USP28: variants seen among roughly 807,000 people sequenced by gnomAD.
USP28 encodes ubiquitin carboxyl-terminal hydrolase 28.
USP28 carries 113 observed loss-of-function variants against 145.0 expected under a neutral mutation model. The observed-to-expected ratio is 0.78, with a 90% CI of 0.67 to 0.91. The LOEUF is 0.91. Ranked by LOEUF, USP28 falls within the 40% of genes least tolerant of loss-of-function variation. USP28 has a pLI of 0.00. For missense variants in USP28, 1,201 were observed against 1,289.6 expected, an observed-to-expected ratio of 0.93 and a Z score of 1.05; for synonymous variants, 447 against 450.9, an observed-to-expected ratio of 0.99 and a Z score of 0.11.
At chr11:113,848,266 T>C (rs1446564805) in intron 3 of USP28, among the ~76,000 whole-genome samples, 1 of 152,188 alleles carries the variant, frequency 6.6e-6, no homozygotes, top group African/African-American at 2.4e-5. Context: ...TTAACCAACA[T>C]TAAAGGGCTT....
intron 3 of USP28, among the ~76,000 whole-genome samples, chr11:113,842,690 T>G (rs971386184): frequency 6.7e-6 from 1 of 148,472 alleles, no homozygotes; most frequent in South Asian, 2.1e-4. Context: ...AAGAAAAAAA[T>G]GATCATCTTA....
rs1011274562 is a variant in USP28 at position 113,869,187 on chromosome 11, C to G, written c.57+6258G>C. On this transcript the variant is annotated intron_variant, in intron 1 of 24. Coordinates refer to ENST00000003302, the Ensembl canonical transcript of USP28. ...GTGGCTCACGCCTATAATCCCAGCA[C>G]TTTGGGAGGCCAAGGCAGACGGATC... 1.2e-4 allele frequency among the ~76,000 whole-genome samples: 19 copies of G among 152,158 alleles called. No homozygotes were observed. In the East Asian group the frequency reaches 3.7e-3, roughly 29 times the overall value.
chr11:113,863,762 G>A (rs1311012966), intron 1 of USP28, among the ~76,000 whole-genome samples: 3 of 151,066 alleles, frequency 2.0e-5, no homozygotes, highest in Admixed American at 1.3e-4. Flanking sequence ...TGACTAACAC[G>A]GTGAAACCCT....
chr11:113,826,738 G>A (rs1186426685), intron 11 of USP28, among the ~76,000 whole-genome samples: 2 of 151,912 alleles, frequency 1.3e-5, no homozygotes, highest in African/African-American at 2.4e-5. Context: ...TGACCAACAT[G>A]GAGAAACCCC....
intron 1 of USP28, 101 bp from the exon 2 acceptor site, chr11:113,854,436 G>A: frequency 1.8e-6 from 2 of 1,103,490 alleles, no homozygotes; most frequent in Admixed American, 2.1e-5. Context: ...ACAGGCCTGA[G>A]GCTTGCCCAG....
chr11:113,803,381 A>G, intron 22 of USP28, 100 bp from the exon 24 acceptor site: 1 of 1,361,626 alleles, frequency 7.3e-7, no homozygotes, highest in Non-Finnish European at 9.9e-7. Context: ...CTTGGCTGCA[A>G]TTCTGAAAAA....
intron 20 of USP28, 48 bp from the exon 22 acceptor site, chr11:113,804,799 C>A (rs368115794): frequency 2.7e-5 from 43 of 1,611,608 alleles, no homozygotes; most frequent in Non-Finnish European, 3.6e-5. Context: ...CAGGGCAAAA[C>A]TTCCCCAACA....
rs556884246 is a variant in USP28 at position 113,869,353 on chromosome 11, C to A, written c.57+6092G>T. On this transcript the variant is annotated intron_variant, in intron 1 of 24. Coordinates refer to ENST00000003302, the Ensembl canonical transcript of USP28. ...CAGAGGCAGAAGAATCAATAGAACCCGGAAGGCGGGGGTTACAGTGAGCTG... is the reference window on the plus strand; with the variant it reads ...CAGAGGCAGAAGAATCAATAGAACCAGGAAGGCGGGGGTTACAGTGAGCTG... Among the ~76,000 whole-genome samples the A allele has an allele frequency of 1.4e-4, 22 of 152,272 alleles. No homozygotes were observed. The East Asian group carries it at 2.5e-3, about 17-fold the overall frequency.
intron 10 of USP28, among the ~76,000 whole-genome samples, chr11:113,827,827 T>C (rs760815593): frequency 9.2e-5 from 14 of 152,334 alleles, no homozygotes; most frequent in Non-Finnish European, 1.9e-4. Flanking sequence ...ATATATTACA[T>C]GCTGTTTTAG....
intron 1 of USP28, among the ~76,000 whole-genome samples, chr11:113,868,710 C>T (rs989904600): frequency 6.6e-6 from 1 of 151,994 alleles, no homozygotes; most frequent in Non-Finnish European, 1.5e-5. Flanking sequence ...CACTGGAGCG[C>T]GGGAGTTCAA....
rs57739058 is a variant in USP28 at position 113,853,878 on chromosome 11, C to CAAAAAAAAAAAAAA, written c.135+366_135+379dup. Among the ~76,000 whole-genome samples the CAAAAAAAAAAAAAA allele has an allele frequency of 2.3e-3, 280 of 122,986 alleles. 5 individuals are homozygous for CAAAAAAAAAAAAAA. Among genetic ancestry groups the CAAAAAAAAAAAAAA allele is most frequent in the African/African-American group, 5.6e-3 (177 of 31,638 alleles). 80.7% of individuals were successfully genotyped at this position (122,986 alleles called of 152,430 possible). On this transcript the variant is annotated intron_variant, in intron 2 of 24. Transcript: ENST00000003302. Reference sequence around the variant, plus strand: ...TGGGCATCAGAGTGAGACTCCATCTCAAAAAAAAAAAAAAGTATATATATA... The same window carrying CAAAAAAAAAAAAAA: ...TGGGCATCAGAGTGAGACTCCATCTCAAAAAAAAAAAAAAAAAAAAAAAAAAAAGTATATATATA...
chr11:113,811,006 T>C (rs1371937966), intron 16 of USP28, among the ~76,000 whole-genome samples: 2 of 152,154 alleles, frequency 1.3e-5, no homozygotes, highest in Admixed American at 1.3e-4. Flanking sequence ...CACAGTAAAG[T>C]TTGAATACTA....
exon 1 of USP28, chr11:113,875,448 G>A (rs1204611505): frequency 4.0e-6 from 5 of 1,249,900 alleles, no homozygotes; most frequent in Admixed American, 3.5e-5. Context: ...AGCCCACCGA[G>A]CCGTGGCCGT....
chr11:113,874,896 A>C, intron 1 of USP28: 1 of 1,003,748 alleles, frequency 1.0e-6, no homozygotes, highest in Non-Finnish European at 1.2e-6. Context: ...CGATGAAGGC[A>C]ATAATTGGGG....
chr11:113,820,190 T>C (rs1305818800), intron 12 of USP28: 4 of 152,174 alleles, frequency 2.6e-5, no homozygotes, highest in African/African-American at 9.7e-5. Flanking sequence ...AAATCCTCTA[T>C]AGCCTTAGGA....
At chr11:113,868,885 T>C (rs1948548702) in intron 1 of USP28, among the ~76,000 whole-genome samples, 1 of 145,558 alleles carries the variant, frequency 6.9e-6, no homozygotes, top group Non-Finnish European at 1.5e-5. Context: ...ATAGAGCCAC[T>C]GCACTACTCC....
At chr11:113,835,456 C>T (rs1944459721) in intron 5 of USP28, 1 of 411,962 alleles carries the variant, frequency 2.4e-6, no homozygotes, top group Non-Finnish European at 4.8e-6. Context: ...CTAGAGCCCA[C>T]GTGCACCTCT....
intron 1 of USP28, among the ~76,000 whole-genome samples, chr11:113,864,056 T>C (rs1948014343): frequency 6.7e-6 from 1 of 148,346 alleles, no homozygotes; most frequent in Non-Finnish European, 1.5e-5. Flanking sequence ...CTGGCCAACA[T>C]GGTGAAACCC....
At chr11:113,840,052 C>A (rs1945024216) in intron 5 of USP28, among the ~76,000 whole-genome samples, 13 of 152,090 alleles carry the variant, frequency 8.5e-5, no homozygotes, top group Admixed American at 7.2e-4. Flanking sequence ...GAACTGAAAC[C>A]CACTGTTAAC....
Sources: allele counts gnomAD v4.1 joint callset (sites outside exome capture counted in the v4.1 genomes callset), GRCh38; gene constraint gnomAD v4.1.1; transcripts MANE v1.5; gene names NCBI Gene and HGNC (gene_info 2026-07-23, HGNC 2026-07-21).